The following CCNL1 variants were observed in gnomAD, a reference collection of about 807,000 sequenced individuals.
The protein encoded by CCNL1 is cyclin L1.
Under a neutral mutation model 60.6 loss-of-function variants are expected in CCNL1, and 13 were observed. The observed-to-expected ratio is 0.21, with a 90% confidence interval of 0.14 to 0.34. The LOEUF (loss-of-function observed/expected upper bound fraction) is 0.34. Ranked by LOEUF, CCNL1 falls within the 10% of genes least tolerant of loss-of-function variation. The pLI is 1.00. For missense variants in CCNL1, 481 were observed against 664.3 expected, an observed-to-expected ratio of 0.72 and a Z score of 3.03; for synonymous variants, 270 against 244.3, an observed-to-expected ratio of 1.10 and a Z score of -0.98.
In CCNL1 at chr3:157,148,089, C is replaced by T. The variant is rs978354943; in HGVS notation, c.*152G>A. The stretch of plus-strand genomic sequence containing the variant: ...GCAAAAAAATTAACATAGTTCTTTT[C>T]AAAAGAAACTGTCCTCAGTGTTCTA... On this transcript the variant is annotated 3_prime_UTR_variant, in exon 11 of 11. Coordinates refer to ENST00000295926, the MANE Select transcript of CCNL1 (RefSeq NM_020307.4). The T allele has an allele frequency of 7.1e-6, 10 of 1,400,124 alleles. No homozygotes were observed. The Middle Eastern group carries it at 7.9e-4, about 110-fold the overall frequency. The allele number at this position is 1,400,124 out of a possible 1,614,324, so 86.7% of individuals were successfully genotyped here.
Position 157,149,482 on chromosome 3 carries a change from C to T in CCNL1, c.1133+3G>A, listed in dbSNP as rs183931256. ...GCCAGTTTTCCAGCCCAAGTATACT[C>T]ACCCATTGTAAGGGCTTTTGGAAGC... On this transcript the variant is annotated splice_donor_region_variant and intron_variant, in intron 9 of 10. Transcript: ENST00000295926. 7.4e-6 allele frequency: 12 copies of T among 1,613,080 alleles called. No homozygotes were observed. In the African/African-American group the frequency reaches 9.3e-5, roughly 13 times the overall value.
chr3:157,158,867 T>G lies in CCNL1; in HGVS notation c.487A>C (p.Arg163=), dbSNP rs751959107. Residue 163 remains arginine, a splice_region_variant and synonymous_variant, in exon 3 of 11, where the codon AGG becomes CGG. Transcript: ENST00000295926. ...TATGTTCAATAATGCCAATCTTACC[T>G]TTTTCCTCTTAACTGGCGGAGGTGG... The part of the protein sequence containing the change: ...FHHLRQLRGK[R]TPSPLILDQN... 4.4e-6 allele frequency: 7 copies of G among 1,592,788 alleles called. No individual in the cohort carries two copies. Among genetic ancestry groups the G allele is most frequent in the Middle Eastern group, 3.3e-4 (2 of 6,026 alleles).
At position 157,150,085 on chromosome 3, in the gene CCNL1, T is replaced by G; in HGVS notation, c.859A>C (p.Arg287=). 1 of 1,612,246 alleles carries G rather than the reference T, an allele frequency of 6.2e-7. No individual in the cohort carries two copies. The highest frequency in any genetic ancestry group is 8.5e-7 in the Non-Finnish European group (1 of 1,179,468). Residue 287 remains arginine (R), a synonymous_variant, in exon 7 of 11, where the codon AGG becomes CGG. Coordinates refer to ENST00000295926, the MANE Select transcript of CCNL1 (RefSeq NM_020307.4). The stretch of plus-strand genomic sequence containing the variant: ...AATACCTTTTTTCTGGTATAAAGCC[T>G]AAGTGTTTCTATGCAGATTTCCTGG... ...EIQEICIETL[R]LYTRKKPNYE...
intron 5 of CCNL1, chr3:157,150,886 A>C (rs1738138950): frequency 9.1e-6 from 9 of 984,444 alleles, no homozygotes; most frequent in Non-Finnish European, 9.7e-6. Flanking sequence ...AAGAAAGCTA[A>C]GATACTTAGA....
At position 157,150,294 on chromosome 3, in the gene CCNL1, A is replaced by T; in HGVS notation, c.762T>A (p.Ala254=). The T allele has an allele frequency of 9.3e-6, 15 of 1,613,928 alleles. No individual in the cohort carries two copies. The highest frequency in any genetic ancestry group is 1.3e-5 in the Non-Finnish European group (15 of 1,179,852). Residue 254 remains alanine (A), a synonymous_variant, in exon 6 of 11, where the codon GCT becomes GCA. Transcript: ENST00000295926. ...TIACACIYLA[A]RALQIPLPTR... ...AATATACACCTACCTGAAGTGCTCT[A>T]GCTGCAAGGTAGATGCAAGCACATG...
chr3:157,151,587 A>G (rs1738199502), intron 5 of CCNL1: 1 of 987,516 alleles, frequency 1.0e-6, no homozygotes, highest in Non-Finnish European at 1.2e-6. Context: ...TTCATGCTAT[A>G]CACACTAAAA....
At chr3:157,152,267 A>G (rs776755405) in intron 4 of CCNL1, 26 bp from the exon 5 acceptor site, 14 of 1,599,700 alleles carry the variant, frequency 8.8e-6, no homozygotes, top group Non-Finnish European at 1.1e-5. Context: ...AAAAAACTCA[A>G]TTCAGTATAC....
chr3:157,157,870 G>A (rs1305270685), intron 3 of CCNL1, among the ~76,000 whole-genome samples: 2 of 152,180 alleles, frequency 1.3e-5, no homozygotes, highest in African/African-American at 2.4e-5. Context: ...CCAACTTACA[G>A]ATTCAGCCAA....
downstream of CCNL1, among the ~76,000 whole-genome samples, chr3:157,143,386 T>C (rs1351236368): frequency 2.0e-5 from 3 of 152,110 alleles, no homozygotes; most frequent in Non-Finnish European, 4.4e-5. Flanking sequence ...GACATGCCCA[T>C]ATGAAAGACA....
At chr3:157,150,991 G>A in intron 5 of CCNL1, 1 of 985,180 alleles carries the variant, frequency 1.0e-6, no homozygotes. Context: ...AACTATTTCA[G>A]TTAAAAAATT....
At chr3:157,150,209 C>A in intron 6 of CCNL1, 40 bp from the exon 7 acceptor site, 1 of 1,607,826 alleles carries the variant, frequency 6.2e-7, no homozygotes, top group Non-Finnish European at 8.5e-7. Context: ...TAAATTTTTG[C>A]TAAATCTGTA....
intron 1 of CCNL1, 28 bp downstream of exon 1, chr3:157,159,764 C>G: frequency 6.7e-7 from 1 of 1,502,504 alleles, no homozygotes; most frequent in Non-Finnish European, 8.9e-7. Context: ...AGAGGAGCGC[C>G]CGGCCGGCCC....
At chr3:157,144,180 A>G (rs766850291), downstream of CCNL1, among the ~76,000 whole-genome samples, 5 of 152,224 alleles carry the variant, frequency 3.3e-5, no homozygotes, top group African/African-American at 9.7e-5. Context: ...GCAGTTTTGC[A>G]TGCCTTAATT....
At chr3:157,144,645 C>T (rs970130653), downstream of CCNL1, among the ~76,000 whole-genome samples, 5 of 152,262 alleles carry the variant, frequency 3.3e-5, no homozygotes, top group South Asian at 2.1e-4. Flanking sequence ...ACACAATGAA[C>T]GCTGCTCCGT....
rs528895472 is a variant in CCNL1, at chr3:157,158,819, G to A, written c.488+47C>T. ...TGTTTTGATTTGATGACTGGTGCAC[G>A]GTACAGCAGTAGCAAGAGATACTAT... On this transcript the variant is annotated intron_variant, in intron 3 of 10. Coordinates refer to ENST00000295926, the MANE Select transcript of CCNL1 (RefSeq NM_020307.4). 6.7e-6 allele frequency: 8 copies of A among 1,189,578 alleles called. No homozygotes were observed. The South Asian group carries it at 7.5e-5, about 11-fold the overall frequency. The allele number at this position is 1,189,578 out of a possible 1,614,324, so 73.7% of individuals were successfully genotyped here.
intron 8 of CCNL1, 35 bp downstream of exon 8, chr3:157,149,801 G>A (rs369397244): frequency 2.7e-4 from 435 of 1,594,078 alleles, no homozygotes; most frequent in South Asian, 1.3e-3. Flanking sequence ...CACTTTCAGT[G>A]CCCCCAAGTC....
At chr3:157,146,162 A>C (rs932479047), downstream of CCNL1, among the ~76,000 whole-genome samples, 1 of 152,106 alleles carries the variant, frequency 6.6e-6, no homozygotes, top group African/African-American at 2.4e-5. Flanking sequence ...AAGTTTTGCT[A>C]TTTTGGAGTT....
At position 157,159,903 on chromosome 3, in the gene CCNL1, G is replaced by C; in HGVS notation, c.192C>G (p.Leu64=). 2 of 1,606,096 alleles carry C rather than the reference G, an allele frequency of 1.2e-6. No homozygotes were observed. The highest frequency in any genetic ancestry group is 8.5e-7 in the Non-Finnish European group (1 of 1,176,280). Residue 64 remains leucine (L), a synonymous_variant, in exon 1 of 11, where the codon CTC becomes CTG. Coordinates refer to ENST00000295926, the MANE Select transcript of CCNL1 (RefSeq NM_020307.4). ...IDHSLIPEER[L]SPTPSMQDGL... is the part of the protein sequence containing the mutation. ...CATCCTGCATGGATGGGGTGGGCGAGAGCCTCTCCTCCGGAATCAGAGAGT... is the reference window on the plus strand; with the variant it reads ...CATCCTGCATGGATGGGGTGGGCGACAGCCTCTCCTCCGGAATCAGAGAGT...
chr3:157,150,041 CACAAACGAGTAA>C lies in CCNL1; in HGVS notation c.879+12_879+23del. The C allele has an allele frequency of 6.2e-7, 1 of 1,607,546 alleles. No individual in the cohort carries two copies. Among genetic ancestry groups the C allele is most frequent in the Non-Finnish European group, 8.5e-7 (1 of 1,177,802 alleles). On this transcript the variant is annotated intron_variant, in intron 7 of 10. Transcript: ENST00000295926. ...GTAGCTTGGACTCTTAGCATGTTGGCACAAACGAGTAAATAGAGAATACCTTTTTTCTGGTAT... is the reference window on the plus strand; with the variant it reads ...GTAGCTTGGACTCTTAGCATGTTGGCATAGAGAATACCTTTTTTCTGGTAT...
Sources: gnomAD v4.1 joint callset for allele counts (sites outside exome capture counted in the v4.1 genomes callset) on GRCh38, gnomAD v4.1.1 for gene constraint, MANE v1.5 for transcripts, NCBI Gene and HGNC (gene_info 2026-07-23, HGNC 2026-07-21) for gene names.